B4GALT6: variants seen among roughly 807,000 people sequenced by gnomAD.
B4GALT6 encodes UDP-Gal:beta-GlcNAc beta-1,4-galactosyltransferase 6.
B4GALT6 carries 14 observed loss-of-function variants against 46.3 expected under a neutral mutation model. That is an observed-to-expected ratio of 0.30 (90% CI 0.20 to 0.47). The LOEUF (loss-of-function observed/expected upper bound fraction) is 0.47, where lower values mean the gene tolerates loss of function less well. Among genes scored for constraint, B4GALT6 ranks in the 20% least tolerant of loss-of-function variants. The pLI is 0.99. For synonymous variants in B4GALT6, 168 were observed against 162.0 expected (o/e 1.04, Z -0.28); for missense variants, 386 against 480.1 (o/e 0.80, Z 1.83).
At chr18:31,669,704 G>A (rs989610336) in intron 1 of B4GALT6, among the ~76,000 whole-genome samples, 4 of 152,252 alleles carry the variant, frequency 2.6e-5, no homozygotes, top group East Asian at 1.9e-4. Flanking sequence ...TAACAACTCC[G>A]CCTAAGTGAA....
chr18:31,673,550 G>A (rs558741997), intron 1 of B4GALT6, among the ~76,000 whole-genome samples: 2 of 152,304 alleles, frequency 1.3e-5, no homozygotes, highest in South Asian at 2.1e-4. Context: ...TGCCGAAATC[G>A]TCCAGGGATA....
intron 3 of B4GALT6, among the ~76,000 whole-genome samples, chr18:31,646,480 TG>T (rs2073992224): frequency 6.6e-6 from 1 of 152,240 alleles, no homozygotes; most frequent in Non-Finnish European, 1.5e-5. Context: ...TAGAACAGGA[TG>T]TAAAAGGCTA....
chr18:31,699,828 C>CA, the B4GALT6 span, among the ~76,000 whole-genome samples: 26 of 151,892 alleles, frequency 1.7e-4, no homozygotes, highest in African/African-American at 6.3e-4. Context: ...GAGGAGGAAG[C>CA]AAAGAGAAGA....
At chr18:31,676,832 C>T (rs916648547) in intron 1 of B4GALT6, among the ~76,000 whole-genome samples, 3 of 152,146 alleles carry the variant, frequency 2.0e-5, no homozygotes, top group African/African-American at 7.2e-5. Flanking sequence ...ATCAGAATCT[C>T]CCATAAGACC....
At chr18:31,656,740 C>T (rs2074145222) in intron 3 of B4GALT6, among the ~76,000 whole-genome samples, 1 of 151,788 alleles carries the variant, frequency 6.6e-6, no homozygotes, top group African/African-American at 2.4e-5. Context: ...AAATAAAAGA[C>T]AAAACAAGAA....
intron 2 of B4GALT6, among the ~76,000 whole-genome samples, chr18:31,661,888 C>CTT (rs1196024610): frequency 1.1e-4 from 17 of 152,148 alleles, no homozygotes; most frequent in Admixed American, 7.9e-4. Flanking sequence ...CATGCATTAA[C>CTT]TTTAAATAAG....
intron 6 of B4GALT6, among the ~76,000 whole-genome samples, chr18:31,630,109 G>A (rs1250268310): frequency 7.0e-6 from 1 of 143,802 alleles, no homozygotes; most frequent in Non-Finnish European, 1.5e-5. Flanking sequence ...AGGGGAGCGG[G>A]AGTGGGGAGG....
At chr18:31,707,705 T>C in the B4GALT6 span, among the ~76,000 whole-genome samples, 2 of 151,974 alleles carry the variant, frequency 1.3e-5, no homozygotes, top group Non-Finnish European at 1.5e-5. Flanking sequence ...TTTAAAAATT[T>C]CCCCCCCACA....
At chr18:31,647,335 A>T (rs1332766313) in intron 3 of B4GALT6, among the ~76,000 whole-genome samples, 1 of 152,182 alleles carries the variant, frequency 6.6e-6, no homozygotes, top group Non-Finnish European at 1.5e-5. Flanking sequence ...TTTGCAGTTT[A>T]ATTTCCATCT....
chr18:31,667,376 T>C (rs1165098930), intron 1 of B4GALT6, among the ~76,000 whole-genome samples: 8 of 152,214 alleles, frequency 5.3e-5, no homozygotes, highest in Non-Finnish European at 1.5e-5. Context: ...AATGACTCAA[T>C]TTTAAGATAA....
chr18:31,635,893 T>C (rs2073852431), intron 5 of B4GALT6, among the ~76,000 whole-genome samples: 1 of 152,204 alleles, frequency 6.6e-6, no homozygotes, highest in Admixed American at 6.5e-5. Flanking sequence ...CCAGGTAACT[T>C]TGTCTATCAT....
At chr18:31,656,097 G>C (rs142815415) in intron 3 of B4GALT6, among the ~76,000 whole-genome samples, 58 of 152,230 alleles carry the variant, frequency 3.8e-4, no homozygotes, top group Admixed American at 1.2e-3. Flanking sequence ...AAGATGATCT[G>C]GGTGATTCTG....
the B4GALT6 span, among the ~76,000 whole-genome samples, chr18:31,699,820 G>A: frequency 6.6e-6 from 1 of 152,106 alleles, no homozygotes; most frequent in Non-Finnish European, 1.5e-5. Flanking sequence ...AAAATAGGGA[G>A]GAGGAAGCAA....
the B4GALT6 span, among the ~76,000 whole-genome samples, chr18:31,712,199 G>A: frequency 2.0e-5 from 3 of 151,770 alleles, no homozygotes; most frequent in East Asian, 5.8e-4. Flanking sequence ...CTTAGACACA[G>A]GCTATAATGG....
chr18:31,648,846 A>G (rs957335560), intron 3 of B4GALT6, among the ~76,000 whole-genome samples: 7 of 152,200 alleles, frequency 4.6e-5, no homozygotes, highest in Non-Finnish European at 1.0e-4. Context: ...TGTTCTATAA[A>G]TCAATAGTTT....
chr18:31,625,796 A>C (rs769152433), intron 8 of B4GALT6, 35 bp from the exon 9 acceptor site: 6 of 1,535,084 alleles, frequency 3.9e-6, no homozygotes, highest in East Asian at 2.3e-5. Flanking sequence ...AAAAGCAACA[A>C]AACATGTTCA....
the B4GALT6 span, among the ~76,000 whole-genome samples, chr18:31,696,009 T>C: frequency 6.6e-6 from 1 of 152,216 alleles, no homozygotes; most frequent in South Asian, 2.1e-4. Context: ...AGAATGAGAT[T>C]GAAATCGATT....
chr18:31,700,192 GAAGTT>G, the B4GALT6 span, among the ~76,000 whole-genome samples: 1 of 151,798 alleles, frequency 6.6e-6, no homozygotes, highest in East Asian at 1.9e-4. Context: ...TTAATTCAAA[GAAGTT>G]AAGTTCTTAA....
chr18:31,629,574 G>A (rs2073752376), intron 6 of B4GALT6, among the ~76,000 whole-genome samples: 1 of 147,898 alleles, frequency 6.8e-6, no homozygotes, highest in South Asian at 2.2e-4. Flanking sequence ...TTGTTGCCGG[G>A]CACGGTGGCT....
Sources: gnomAD v4.1 joint callset for allele counts (sites outside exome capture counted in the v4.1 genomes callset) on GRCh38, gnomAD v4.1.1 for gene constraint, MANE v1.5 for transcripts, NCBI Gene and HGNC (gene_info 2026-07-23, HGNC 2026-07-21) for gene names.